The following AOPEP variants were observed in gnomAD, a reference collection of about 807,000 sequenced individuals.
The protein encoded by AOPEP is aminopeptidase O.
AOPEP carries 77 observed loss-of-function variants against 98.1 expected under a neutral mutation model. The observed-to-expected ratio is 0.78, with a 90% CI of 0.65 to 0.95. The LOEUF (loss-of-function observed/expected upper bound fraction) is 0.95. AOPEP is among the 40% of genes least tolerant of loss of function. The pLI, the probability that AOPEP is intolerant of heterozygous loss-of-function variation, is 0.00. For synonymous variants in AOPEP, 346 were observed against 365.3 expected (o/e 0.95, Z 0.60); for missense variants, 1,024 against 1,024.7 (o/e 1.00, Z 0.01).
chr9:95,067,369 T>C (rs2068016851), intron 14 of AOPEP, among the ~76,000 whole-genome samples: 1 of 152,220 alleles, frequency 6.6e-6, no homozygotes, highest in South Asian at 2.1e-4. Context: ...CTAAACTTTG[T>C]GGGGTGGCAC....
intron 3 of AOPEP, among the ~76,000 whole-genome samples, chr9:94,789,844 T>G (rs1001693614): frequency 2.0e-5 from 3 of 152,034 alleles, no homozygotes; most frequent in Admixed American, 1.3e-4. Context: ...CTGGATTTGA[T>G]TGTCCCTTTA....
At chr9:94,888,499 G>C (rs1047304673) in intron 5 of AOPEP, among the ~76,000 whole-genome samples, 1 of 152,164 alleles carries the variant, frequency 6.6e-6, no homozygotes, top group Non-Finnish European at 1.5e-5. Context: ...AATTTATTCA[G>C]ATTTCAGCAG....
intron 5 of AOPEP, among the ~76,000 whole-genome samples, chr9:94,809,573 A>G (rs1019971867): frequency 1.3e-5 from 2 of 152,212 alleles, no homozygotes; most frequent in Non-Finnish European, 2.9e-5. Flanking sequence ...GCCCTGGGCA[A>G]GGGCTTTGCT....
At chr9:95,085,793 C>A in intron 16 of AOPEP, 1 of 832,658 alleles carries the variant, frequency 1.2e-6, no homozygotes. Context: ...ATTCTTCTTA[C>A]AAAAAACTAA....
At chr9:94,942,639 A>C (rs2057130855) in intron 7 of AOPEP, among the ~76,000 whole-genome samples, 1 of 152,188 alleles carries the variant, frequency 6.6e-6, no homozygotes, top group Non-Finnish European at 1.5e-5. Flanking sequence ...AACTGTCTCC[A>C]TTTGTAGACA....
At chr9:94,742,574 A>G (rs1036680757) in intron 1 of AOPEP, among the ~76,000 whole-genome samples, 9 of 151,906 alleles carry the variant, frequency 5.9e-5, no homozygotes, top group Non-Finnish European at 1.3e-4. Flanking sequence ...AGCTGGGACT[A>G]CAGGCACGCG....
chr9:94,759,662 A>G lies in AOPEP; in HGVS notation c.-122A>G, dbSNP rs556426151. 4 of 787,344 alleles carry G rather than the reference A, an allele frequency of 5.1e-6. No homozygotes were observed. The highest frequency in any genetic ancestry group is 3.5e-5 in the African/African-American group (2 of 57,390). 48.8% of individuals were successfully genotyped at this position (787,344 alleles called of 1,614,324 possible). On this transcript the variant is annotated 5_prime_UTR_variant, in exon 2 of 17. Coordinates refer to ENST00000375315, the MANE Select transcript of AOPEP (RefSeq NM_001193329.3). Reference sequence around the variant, plus strand: ...CTTTTTTGCCAGGAGACTGAAAGGAACCATAATTTGTGACATCAGTTGTTT... The same window carrying G: ...CTTTTTTGCCAGGAGACTGAAAGGAGCCATAATTTGTGACATCAGTTGTTT...
chr9:95,111,492 C>T, the AOPEP span: 1 of 1,613,788 alleles, frequency 6.2e-7, no homozygotes, highest in Non-Finnish European at 8.5e-7. Flanking sequence ...TGCCTCCCAT[C>T]ACGGGGGCCG....
chr9:94,910,491 A>C (rs1346079298), intron 5 of AOPEP, among the ~76,000 whole-genome samples: 2 of 152,176 alleles, frequency 1.3e-5, no homozygotes, highest in Non-Finnish European at 2.9e-5. Flanking sequence ...GGTGGGACCT[A>C]ATGCTACTCC....
downstream of AOPEP, among the ~76,000 whole-genome samples, chr9:95,088,202 CTTT>C (rs199845401): frequency 6.8e-6 from 1 of 148,088 alleles, no homozygotes; most frequent in Non-Finnish European, 1.5e-5. Flanking sequence ...GTGCTGCTGC[CTTT>C]TTTTTTTCCT....
intron 3 of AOPEP, among the ~76,000 whole-genome samples, chr9:94,784,288 A>T (rs761417916): frequency 6.6e-6 from 1 of 152,224 alleles, no homozygotes; most frequent in Non-Finnish European, 1.5e-5. Flanking sequence ...TTTCTTATTT[A>T]ATTTACTATT....
At chr9:94,768,606 C>T (rs1465457190) in intron 2 of AOPEP, among the ~76,000 whole-genome samples, 1 of 152,228 alleles carries the variant, frequency 6.6e-6, no homozygotes, top group Non-Finnish European at 1.5e-5. Context: ...GTTATTCTGA[C>T]AAGTTCTTCC....
chr9:95,077,498 T>C (rs1056802816), intron 14 of AOPEP, among the ~76,000 whole-genome samples: 1 of 152,190 alleles, frequency 6.6e-6, no homozygotes, highest in African/African-American at 2.4e-5. Context: ...TCCCTGTTTA[T>C]TTTTATTCTG....
At chr9:94,840,147 C>G (rs1183448748) in intron 5 of AOPEP, among the ~76,000 whole-genome samples, 3 of 152,078 alleles carry the variant, frequency 2.0e-5, no homozygotes, top group African/African-American at 7.2e-5. Context: ...TTGTAAATGT[C>G]CTTTCCAGGT....
intron 14 of AOPEP, among the ~76,000 whole-genome samples, chr9:95,075,002 T>A (rs999564938): frequency 3.3e-5 from 5 of 152,204 alleles, no homozygotes; most frequent in African/African-American, 1.2e-4. Flanking sequence ...CACGGGCAGC[T>A]CTGTTCTCAC....
rs1274480817 is a variant in AOPEP, at chr9:95,005,143, C to T, written c.1978-15C>T. On this transcript the variant is annotated splice_polypyrimidine_tract_variant and intron_variant, in intron 11 of 16. Coordinates refer to ENST00000375315, the MANE Select transcript of AOPEP (RefSeq NM_001193329.3). ...GCTCCCGCGGTAAACTTGACTGTGTCCTCTTCCCCCGCAGCCGCTGCAGAG... is the reference window on the plus strand; with the variant it reads ...GCTCCCGCGGTAAACTTGACTGTGTTCTCTTCCCCCGCAGCCGCTGCAGAG... The T allele has an allele frequency of 2.0e-5, 23 of 1,137,220 alleles. No homozygotes were observed. The highest frequency in any genetic ancestry group is 3.9e-4 in the Middle Eastern group (1 of 2,560). The allele number at this position is 1,137,220 out of a possible 1,614,324, so 70.4% of individuals were successfully genotyped here.
chr9:94,836,690 A>C (rs1305161962), intron 5 of AOPEP, among the ~76,000 whole-genome samples: 1 of 152,146 alleles, frequency 6.6e-6, no homozygotes, highest in African/African-American at 2.4e-5. Context: ...TAGAGCAAGT[A>C]ATTTCAGTTT....
intron 5 of AOPEP, among the ~76,000 whole-genome samples, chr9:94,814,594 C>T (rs755461309): frequency 6.6e-6 from 1 of 152,186 alleles, no homozygotes; most frequent in African/African-American, 2.4e-5. Context: ...CATTTCTGAA[C>T]AAGTGAGGGC....
chr9:94,943,993 G>A (rs558873253), intron 7 of AOPEP, among the ~76,000 whole-genome samples: 2 of 151,046 alleles, frequency 1.3e-5, no homozygotes, highest in South Asian at 4.2e-4. Context: ...TATGCAGATG[G>A]CCAATGAGCA....
Sources: allele counts gnomAD v4.1 joint callset (sites outside exome capture counted in the v4.1 genomes callset), GRCh38; gene constraint gnomAD v4.1.1; transcripts MANE v1.5; gene names NCBI Gene and HGNC (gene_info 2026-07-23, HGNC 2026-07-21).